The following HEXA variants were observed in gnomAD, a reference collection of about 807,000 sequenced individuals.
HEXA encodes the protein hexosaminidase subunit alpha, also known as beta-hexosaminidase subunit alpha.
In HEXA, 54 loss-of-function variants were observed where a neutral mutation model predicts 73.3. The ratio of observed to expected loss-of-function variants is 0.74; its 90% CI spans 0.59 to 0.92. The LOEUF is 0.92. Among genes scored for constraint, HEXA ranks in the 40% least tolerant of loss-of-function variants. HEXA has a pLI of 0.00. For missense variants in HEXA, 649 were observed against 653.0 expected, an observed-to-expected ratio of 0.99 and a Z score of 0.07; for synonymous variants, 230 against 246.9, an observed-to-expected ratio of 0.93 and a Z score of 0.64.
At chr15:72,353,443 A>G (rs1236932236) in intron 4 of HEXA, among the ~76,000 whole-genome samples, 1 of 152,120 alleles carries the variant, frequency 6.6e-6, no homozygotes, top group Non-Finnish European at 1.5e-5. Context: ...AACATAGTTT[A>G]TTTTCTTCAA....
At chr15:72,356,708 C>G in intron 1 of HEXA, 91 bp from the exon 2 acceptor site, 2 of 1,580,104 alleles carry the variant, frequency 1.3e-6, no homozygotes, top group South Asian at 1.1e-5. Context: ...TCAGCTCACA[C>G]GCCTGTGGTA....
intron 1 of HEXA, among the ~76,000 whole-genome samples, chr15:72,368,913 C>G (rs1398640947): frequency 1.3e-5 from 2 of 152,166 alleles, no homozygotes; most frequent in Non-Finnish European, 2.9e-5. Flanking sequence ...AACAGTGTAC[C>G]TAGTAAGGCA....
At chr15:72,363,080 CT>C (rs1428375283) in intron 1 of HEXA, among the ~76,000 whole-genome samples, 1 of 152,162 alleles carries the variant, frequency 6.6e-6, no homozygotes, top group African/African-American at 2.4e-5. Flanking sequence ...TCTCTTCCCC[CT>C]CCCACCTTTA....
chr15:72,370,706 A>AAAGAAAAAAAAC, intron 1 of HEXA: 3 of 395,768 alleles, frequency 7.6e-6, no homozygotes, highest in African/African-American at 2.1e-5. Context: ...TTAAAAAAAA[A>AAAGAAAAAAAAC]AAGAAAGAAA....
chr15:72,341,157 CTAAA>C lies in HEXA; in HGVS notation c.*2916_*2919del, dbSNP rs898304542. 6.6e-6 allele frequency: 1 copy of C among 152,122 alleles called. No individual in the cohort carries two copies. Among genetic ancestry groups the C allele is most frequent in the African/African-American group, 2.4e-5 (1 of 41,408 alleles). 9.4% of individuals were successfully genotyped at this position (152,122 alleles called of 1,614,324 possible). ...TAAGGTATGTGTACCTACATTAATA[CTAAA>C]TAAATTCCACCTACATCCTTTCTTT... On this transcript the variant is annotated 3_prime_UTR_variant, in exon 14 of 14. Transcript: ENST00000268097.
chr15:72,344,562 T>G (rs553765722), intron 13 of HEXA, among the ~76,000 whole-genome samples: 1 of 152,332 alleles, frequency 6.6e-6, no homozygotes, highest in South Asian at 2.1e-4. Flanking sequence ...ACTTAGGTGC[T>G]GTCCTGTCCA....
intron 8 of HEXA, among the ~76,000 whole-genome samples, chr15:72,348,358 T>G (rs1292404343): frequency 6.6e-6 from 1 of 152,072 alleles, no homozygotes; most frequent in Admixed American, 6.5e-5. Flanking sequence ...CCTGAAGAGT[T>G]TTAAGTTCAA....
In HEXA at chr15:72,349,072, C is replaced by G. The variant is rs1291660859; in HGVS notation, c.986+7G>C. 6.2e-7 allele frequency: 1 copy of G among 1,611,866 alleles called. No homozygotes were observed. Among genetic ancestry groups the G allele is most frequent in the Non-Finnish European group, 8.5e-7 (1 of 1,178,210 alleles). On this transcript the variant is annotated splice_region_variant and intron_variant, in intron 8 of 13. Coordinates refer to ENST00000268097, the MANE Select transcript of HEXA (RefSeq NM_000520.6). The stretch of plus-strand genomic sequence containing the variant: ...AGGCCACAGTGGGAAGATCAAAGGG[C>G]TCATACCAGCAGGTGAAATCAACCT...
Position 72,345,430 on chromosome 15 carries a change from C to T in HEXA, c.1526+16G>A. ...CTGGCCTGCTCCGCCTTGCGAAGGC[C>T]CCACAGCTTGCTTACCTCAGCAATT... On this transcript the variant is annotated intron_variant, in intron 13 of 13. Coordinates refer to ENST00000268097, the MANE Select transcript of HEXA (RefSeq NM_000520.6). 6.2e-7 allele frequency: 1 copy of T among 1,614,080 alleles called. No individual in the cohort carries two copies. The highest frequency in any genetic ancestry group is 8.5e-7 in the Non-Finnish European group (1 of 1,179,990).
intron 12 of HEXA, 73 bp downstream of exon 12, chr15:72,346,162 A>T: frequency 9.4e-7 from 1 of 1,066,702 alleles, no homozygotes; most frequent in Non-Finnish European, 1.4e-6. Context: ...AGGTGGCTAG[A>T]TGGGATTGGG....
Position 72,353,701 on chromosome 15 carries a change from G to A in HEXA, c.449C>T (p.Ala150Val). 1 of 1,612,588 alleles carries A rather than the reference G, an allele frequency of 6.2e-7. No individual in the cohort carries two copies. The highest frequency in any genetic ancestry group is 8.5e-7 in the Non-Finnish European group (1 of 1,178,578). ...ETFSQLVWKSAEGTFFINKTE... is the reference protein window; with the variant it reads ...ETFSQLVWKSVEGTFFINKTE... ...AGGGTCCACACTTACTGTGCCCTCA[G>A]CAGATTTCCAAACAAGCTGGCTAAA... is the stretch of plus-strand genomic sequence containing the variant. Residue 150 changes from alanine to valine, a missense_variant, in exon 4 of 14, where the codon GCT becomes GTT. Ala to Val is a moderately conservative substitution (Grantham distance 64). Transcript: ENST00000268097.
chr15:72,367,221 G>A (rs968954481), intron 1 of HEXA, among the ~76,000 whole-genome samples: 9 of 152,148 alleles, frequency 5.9e-5, no homozygotes, highest in African/African-American at 2.2e-4. Context: ...GGGATTACAG[G>A]TGTGAGCCAC....
At chr15:72,352,243 C>A (rs1409798025) in intron 5 of HEXA, among the ~76,000 whole-genome samples, 1 of 151,996 alleles carries the variant, frequency 6.6e-6, no homozygotes, top group East Asian at 1.9e-4. Flanking sequence ...CAGGTGTGAG[C>A]CACTGCACCT....
intron 1 of HEXA, among the ~76,000 whole-genome samples, chr15:72,374,542 T>A (rs1444087681): frequency 2.2e-5 from 1 of 45,976 alleles, no homozygotes; most frequent in Non-Finnish European, 1.6e-4. Context: ...TGAAACATCA[T>A]ATAAAATATT....
At chr15:72,363,049 T>A (rs902666141) in intron 1 of HEXA, among the ~76,000 whole-genome samples, 5 of 152,166 alleles carry the variant, frequency 3.3e-5, no homozygotes, top group African/African-American at 1.2e-4. Flanking sequence ...GTGCCAAAGT[T>A]TGTTCCCATG....
At chr15:72,350,905 T>A (rs2088686368) in intron 6 of HEXA, 1 of 622,874 alleles carries the variant, frequency 1.6e-6, no homozygotes, top group Non-Finnish European at 2.8e-6. Flanking sequence ...TATAAATACA[T>A]AAAAAGGGAA....
chr15:72,354,050 G>C (rs1286715972), intron 3 of HEXA: 11 of 463,282 alleles, frequency 2.4e-5, no homozygotes, highest in Admixed American at 1.7e-4. Flanking sequence ...ATTGAGAAGA[G>C]AGGCCAAGAC....
intron 1 of HEXA, among the ~76,000 whole-genome samples, chr15:72,366,307 CTTAA>C (rs2088915137): frequency 6.6e-6 from 1 of 151,892 alleles, no homozygotes; most frequent in African/African-American, 2.4e-5. Flanking sequence ...TCTTTATTCA[CTTAA>C]TTTTTTTTTT....
In HEXA at chr15:72,343,949, C is replaced by G. The variant is rs1336236966; in HGVS notation, c.*128G>C. 2.6e-6 allele frequency: 2 copies of G among 767,154 alleles called. No homozygotes were observed. The highest frequency in any genetic ancestry group is 4.6e-6 in the Non-Finnish European group (2 of 431,188). The allele number at this position is 767,154 out of a possible 1,614,324, so 47.5% of individuals were successfully genotyped here. On this transcript the variant is annotated 3_prime_UTR_variant, in exon 14 of 14. Coordinates refer to ENST00000268097, the MANE Select transcript of HEXA (RefSeq NM_000520.6). ...CGAGCGCCAGCACCGGCCCCTTTCTCTCCAAGCACAGGGGCACGCAGGCAA... is the reference window on the plus strand; with the variant it reads ...CGAGCGCCAGCACCGGCCCCTTTCTGTCCAAGCACAGGGGCACGCAGGCAA...
Sources: gnomAD v4.1 joint callset for allele counts (sites outside exome capture counted in the v4.1 genomes callset) on GRCh38, gnomAD v4.1.1 for gene constraint, MANE v1.5 for transcripts, NCBI Gene and HGNC (gene_info 2026-07-23, HGNC 2026-07-21) for gene names.